GIMAP8: variants seen among roughly 807,000 people sequenced by gnomAD.
GIMAP8 encodes the protein GTPase, IMAP family member 8, also known as GTPase IMAP family member 8.
In GIMAP8, 29 loss-of-function variants were observed where a neutral mutation model predicts 35.6. The ratio of observed to expected loss-of-function variants is 0.81; its 90% confidence interval spans 0.61 to 1.11. The LOEUF is 1.11. GIMAP8 is among the 50% of genes most tolerant of loss of function. The pLI, the probability that GIMAP8 is intolerant of heterozygous loss-of-function variation, is 0.00. For synonymous variants in GIMAP8, 335 were observed against 308.7 expected, an observed-to-expected ratio of 1.09 and a Z score of -0.89; for missense variants, 811 against 805.0, an observed-to-expected ratio of 1.01 and a Z score of -0.09.
rs770545178 is a variant in GIMAP8 at position 150,474,113 on chromosome 7, G to A, written c.784G>A (p.Ala262Thr). The A allele has an allele frequency of 1.9e-6, 3 of 1,614,096 alleles. No homozygotes were observed. In the African/African-American group the frequency reaches 4.0e-5, roughly 22 times the overall value. The change falls in exon 4 of 5, where the codon GCA (alanine) becomes ACA (threonine). Residue 262 changes from alanine (A) to threonine (T), a missense_variant. Ala to Thr is a moderately conservative substitution (Grantham distance 58, BLOSUM62 0). Transcript: ENST00000307271. The stretch of plus-strand genomic sequence containing the variant: ...GGGGAAACGCGGTGCTGGAAAAAGT[G>A]CAGCAGGAAACAGCATTCTGGGGAG... ...LVGKRGAGKS[A>T]AGNSILGRQA...
At position 150,466,435 on chromosome 7, in the gene GIMAP8, TAA is replaced by T. The variant is rs3034358; in HGVS notation, c.-28-223_-28-222del. Among the ~76,000 whole-genome samples the T allele has an allele frequency of 2.4e-3, 354 of 146,936 alleles. 1 individual carries two copies. The South Asian group carries it at 0.033, about 14-fold the overall frequency. ...TCTGACTTCTTGTGGTTCCTAATGGTAAAAAAAAAAAAAATTTAAGGAACTAA... is the reference window on the plus strand; with the variant it reads ...TCTGACTTCTTGTGGTTCCTAATGGTAAAAAAAAAAAATTTAAGGAACTAA... On this transcript the variant is annotated intron_variant, in intron 1 of 4. Coordinates refer to ENST00000307271, the MANE Select transcript of GIMAP8 (RefSeq NM_175571.4).
In GIMAP8 at chr7:150,477,890, C is replaced by A; in HGVS notation, c.*110C>A. The A allele has an allele frequency of 1.3e-6, 1 of 798,498 alleles. No homozygotes were observed. The highest frequency in any genetic ancestry group is 2.0e-6 in the Non-Finnish European group (1 of 502,824). 49.5% of individuals were successfully genotyped at this position (798,498 alleles called of 1,614,324 possible). On this transcript the variant is annotated 3_prime_UTR_variant, in exon 5 of 5. Transcript: ENST00000307271. Reference sequence around the variant, plus strand: ...GGAAGCGGGTTCATGGCTTTGAGGGCCTGAGAGGCAAATGCATCCCGCCTT... The same window carrying A: ...GGAAGCGGGTTCATGGCTTTGAGGGACTGAGAGGCAAATGCATCCCGCCTT...
intron 1 of GIMAP8, among the ~76,000 whole-genome samples, chr7:150,463,794 T>C (rs1044213778): frequency 1.3e-5 from 2 of 152,234 alleles, no homozygotes; most frequent in African/African-American, 4.8e-5. Context: ...GAGTGGCATA[T>C]ACAAACACTG....
At position 150,450,833 on chromosome 7, in the gene GIMAP8, A is replaced by C. The variant is rs538309531; in HGVS notation, c.-371A>C. ...CCTCCTCTCAGTCTGCAGCTGCGGGACGGGCCGGGCTCCTCAGTTTCTGCT... is the reference window on the plus strand; with the variant it reads ...CCTCCTCTCAGTCTGCAGCTGCGGGCCGGGCCGGGCTCCTCAGTTTCTGCT... On this transcript the variant is annotated 5_prime_UTR_variant, in exon 1 of 5. Transcript: ENST00000307271. This position sits in a 1 kb window ranked among gnomAD's most constrained non-coding sequence, Gnocchi z 4.4. The C allele has an allele frequency of 6.5e-6, 1 of 152,864 alleles. No individual in the cohort carries two copies. Among genetic ancestry groups the C allele is most frequent in the South Asian group, 2.1e-4 (1 of 4,822 alleles). The allele number at this position is 152,864 out of a possible 1,614,324, so 9.5% of individuals were successfully genotyped here.
rs567935461 is a variant in GIMAP8, at chr7:150,463,758, C to T, written c.-28-2913C>T. On this transcript the variant is annotated intron_variant, in intron 1 of 4. Coordinates refer to ENST00000307271, the MANE Select transcript of GIMAP8 (RefSeq NM_175571.4). ...GAGCACCAGTATTGGTGACTATGGG[C>T]TATGTGGGTCAGTACTCAGTCCTCT... 1.2e-3 allele frequency among the ~76,000 whole-genome samples: 189 copies of T among 152,264 alleles called. 1 individual carries two copies. Among genetic ancestry groups the T allele is most frequent in the African/African-American group, 4.2e-3 (176 of 41,548 alleles).
At chr7:150,467,484 T>A in intron 2 of GIMAP8, 150 bp downstream of exon 2, 1 of 680,922 alleles carries the variant, frequency 1.5e-6, no homozygotes, top group Non-Finnish European at 2.4e-6. Context: ...GAATAAGAGG[T>A]ATCAGATTTT....
intron 1 of GIMAP8, among the ~76,000 whole-genome samples, chr7:150,456,714 T>C (rs1203964121): frequency 1.3e-5 from 2 of 152,232 alleles, no homozygotes; most frequent in Non-Finnish European, 2.9e-5. Context: ...CTCTCCAGCA[T>C]TTATAGTGGG....
intron 2 of GIMAP8, 59 bp from the exon 3 acceptor site, chr7:150,470,770 A>ATTTTTTTTT (rs1357852628): frequency 2.3e-4 from 52 of 224,016 alleles, no homozygotes; most frequent in Non-Finnish European, 2.9e-4. Context: ...TTTTTTTTTC[A>ATTTTTTTTT]GTTTGTGGAA....
At position 150,467,254 on chromosome 7, in the gene GIMAP8, C is replaced by T. The variant is rs116316852; in HGVS notation, c.556C>T (p.Leu186Phe). Residue 186 changes from leucine to phenylalanine, a missense_variant, in exon 2 of 5, where the codon CTT (leucine) becomes TTT (phenylalanine). By Grantham distance (22) the Leu-to-Phe change is conservative. Transcript: ENST00000307271. ...DEQITQVLELLRKVESLVNTN... is the reference protein window; with the variant it reads ...DEQITQVLELFRKVESLVNTN... ...GCAGATCACCCAGGTGTTGGAGCTC[C>T]TTCGCAAGGTTGAGTCTTTGGTGAA... 683 of 1,614,206 alleles carry T rather than the reference C, an allele frequency of 4.2e-4. 2 individuals carry two copies. The African/African-American group carries it at 8.4e-3, about 20-fold the overall frequency.
At position 150,472,346 on chromosome 7, in the gene GIMAP8, C is replaced by A. The variant is rs1052604718; in HGVS notation, c.682+1472C>A. Among the ~76,000 whole-genome samples the A allele has an allele frequency of 6.6e-6, 1 of 152,170 alleles. No homozygotes were observed. The highest frequency in any genetic ancestry group is 1.5e-5 in the Non-Finnish European group (1 of 68,032). On this transcript the variant is annotated intron_variant, in intron 3 of 4. Coordinates refer to ENST00000307271, the MANE Select transcript of GIMAP8 (RefSeq NM_175571.4). The surrounding 1 kb of genome is among the most constrained non-coding windows in gnomAD (Gnocchi z 4.1). ...TCTGTCCAAGGTGACAAGGGTGGAA[C>A]GAGGCTAAAGCCATCAGGAGGCAGC...
intron 1 of GIMAP8, among the ~76,000 whole-genome samples, chr7:150,459,284 T>C (rs964685247): frequency 2.6e-5 from 4 of 152,106 alleles, no homozygotes; most frequent in African/African-American, 9.7e-5. Flanking sequence ...ATACCAAAAC[T>C]CCCTTCTTGA....
chr7:150,475,461 T>C (rs1802207806), intron 4 of GIMAP8, among the ~76,000 whole-genome samples: 1 of 152,242 alleles, frequency 6.6e-6, no homozygotes. Flanking sequence ...TTCAACTGGA[T>C]AGTGTGAGTG....
At chr7:150,469,720 A>G (rs1802045884) in intron 2 of GIMAP8, among the ~76,000 whole-genome samples, 1 of 152,240 alleles carries the variant, frequency 6.6e-6, no homozygotes, top group East Asian at 1.9e-4. Flanking sequence ...AATAAAAAAA[A>G]AAAGGTATAC....
intron 2 of GIMAP8, 25 bp from the exon 3 acceptor site, chr7:150,470,804 A>G (rs1298139887): frequency 1.7e-6 from 2 of 1,197,588 alleles, no homozygotes; most frequent in Non-Finnish European, 2.3e-6. Flanking sequence ...ATCTGTGTGC[A>G]CTATTTTGTT....
rs747906390 is a variant in GIMAP8 at position 150,450,661 on chromosome 7, ATC to A, written c.-539_-538del. Reference sequence around the variant, plus strand: ...GCTCAGAGCTTGTAGCGGCGCCACAATCTCTGTCCTCTCAGGAACAGGAACTG... The same window carrying A: ...GCTCAGAGCTTGTAGCGGCGCCACAATCTGTCCTCTCAGGAACAGGAACTG... On this transcript the variant is annotated 5_prime_UTR_variant, in exon 1 of 5. Transcript: ENST00000307271. The surrounding 1 kb of genome is among the most constrained non-coding windows in gnomAD (Gnocchi z 4.4). 6.6e-6 allele frequency: 1 copy of A among 152,150 alleles called. No homozygotes were observed. The highest frequency in any genetic ancestry group is 2.4e-5 in the African/African-American group (1 of 41,406). 9.4% of individuals were successfully genotyped at this position (152,150 alleles called of 1,614,324 possible).
chr7:150,477,683 C>T lies in GIMAP8; in HGVS notation c.1901C>T (p.Pro634Leu). 6.2e-7 allele frequency: 1 copy of T among 1,614,054 alleles called. No homozygotes were observed. Among genetic ancestry groups the T allele is most frequent in the Admixed American group, 1.7e-5 (1 of 60,008 alleles). Residue 634 changes from proline to leucine, a missense_variant, in exon 5 of 5, where the codon CCC (proline) becomes CTC (leucine). Pro to Leu is a moderately conservative substitution (Grantham distance 98, BLOSUM62 -3). Coordinates refer to ENST00000307271, the MANE Select transcript of GIMAP8 (RefSeq NM_175571.4). ...LRKESGWSGY[P>L]HTQENVSKLI... is the part of the protein sequence containing the mutation. ...AAAGAAAGTGGGTGGTCCGGGTATC[C>T]CCATACACAGGAGAACGTCAGCAAA...
chr7:150,470,449 G>C (rs1410692005), intron 2 of GIMAP8, among the ~76,000 whole-genome samples: 2 of 152,096 alleles, frequency 1.3e-5, no homozygotes, highest in East Asian at 3.9e-4. Flanking sequence ...TAGGTGTTTG[G>C]TTCTCTATCC....
intron 1 of GIMAP8, among the ~76,000 whole-genome samples, chr7:150,453,627 C>A (rs963241759): frequency 6.6e-6 from 1 of 152,252 alleles, no homozygotes; most frequent in African/African-American, 2.4e-5. Context: ...AGTCAATAAC[C>A]ATCAACTCAG....
chr7:150,477,620 A>G lies in GIMAP8; in HGVS notation c.1838A>G (p.Gln613Arg). The G allele has an allele frequency of 1.9e-6, 3 of 1,614,234 alleles. No individual in the cohort carries two copies. Among genetic ancestry groups the G allele is most frequent in the East Asian group, 2.2e-5 (1 of 44,890 alleles). Residue 613 changes from glutamine to arginine, a missense_variant, in exon 5 of 5, where the codon CAG (glutamine) becomes CGG (arginine). Gln to Arg is a conservative substitution (Grantham distance 43, BLOSUM62 1). Transcript: ENST00000307271. Reference sequence around the variant, plus strand: ...GAAACAGGCCAGGCCCAGGAAACCCAGGTGAAAGCTCTTTTAACAAAGGTC... The same window carrying G: ...GAAACAGGCCAGGCCCAGGAAACCCGGGTGAAAGCTCTTTTAACAAAGGTC... ...NKETGQAQET[Q>R]VKALLTKVND... is the part of the protein sequence containing the mutation.
Sources: gnomAD v4.1 joint callset for allele counts (sites outside exome capture counted in the v4.1 genomes callset) on GRCh38, gnomAD v4.1.1 for gene constraint, Gnocchi (gnomAD v3.1) non-coding constraint, MANE v1.5 for transcripts, NCBI Gene and HGNC (gene_info 2026-07-23, HGNC 2026-07-21) for gene names.